UNC79: variants seen among roughly 807,000 people sequenced by gnomAD.
The protein encoded by UNC79 is unc-79 subunit of NALCN channel complex, also known as protein unc-79 homolog.
A neutral mutation model predicts 283.1 loss-of-function variants in UNC79; 37 were observed. That is an observed-to-expected ratio of 0.13 (90% CI 0.10 to 0.17). The LOEUF (loss-of-function observed/expected upper bound fraction) is 0.17. Ranked by LOEUF, UNC79 falls within the 10% of genes least tolerant of loss-of-function variation. The pLI is 1.00. For synonymous variants in UNC79, 1,107 were observed against 1,200.2 expected (o/e 0.92, Z 1.61); for missense variants, 2,272 against 3,211.1 (o/e 0.71, Z 7.07).
chr14:93,680,718 T>C (rs1289309199), intron 41 of UNC79, among the ~76,000 whole-genome samples: 2 of 152,142 alleles, frequency 1.3e-5, no homozygotes, highest in Non-Finnish European at 2.9e-5. Context: ...CTCAGCCTCC[T>C]GAGTAGCTGG....
rs963242752 is a variant in UNC79, at chr14:93,691,764, A to T, written c.7288A>T (p.Met2430Leu). The stretch of plus-strand genomic sequence containing the variant: ...TCCTTTTCAGACCTCCGTGCTGCAC[A>T]TGTGCTCCCTCTTCCACGCGTTCAT... Residue 2430 changes from methionine (M) to leucine (L), a missense_variant, in exon 46 of 49, where the codon ATG becomes TTG. By Grantham distance (15) the Met-to-Leu change is conservative. This residue lies in a region of UNC79 where 225 missense variants were observed against 334.2 expected (regional missense o/e 0.67). Coordinates refer to ENST00000555664, the Ensembl canonical transcript of UNC79. 30 of 1,614,022 alleles carry T rather than the reference A, an allele frequency of 1.9e-5. No homozygotes were observed. The highest frequency in any genetic ancestry group is 2.5e-5 in the Non-Finnish European group (29 of 1,180,050).
intron 48 of UNC79, among the ~76,000 whole-genome samples, chr14:93,705,855 C>A (rs768043221): frequency 1.3e-5 from 2 of 152,134 alleles, no homozygotes; most frequent in African/African-American, 2.4e-5. Context: ...GGAAGGAAAG[C>A]GGTATGAACT....
chr14:93,645,077 C>A (rs1163120107), intron 34 of UNC79, among the ~76,000 whole-genome samples: 5 of 152,094 alleles, frequency 3.3e-5, no homozygotes, highest in Non-Finnish European at 5.9e-5. Context: ...TTTATTAATA[C>A]CAGGTCACAA....
chr14:93,400,970 G>A (rs916463333), intron 1 of UNC79, among the ~76,000 whole-genome samples: 5 of 152,172 alleles, frequency 3.3e-5, no homozygotes, highest in Non-Finnish European at 7.3e-5. Context: ...CTGGATAACA[G>A]TGATAGTGAG....
intron 1 of UNC79, among the ~76,000 whole-genome samples, chr14:93,363,523 T>C (rs1343485594): frequency 6.6e-6 from 1 of 152,168 alleles, no homozygotes; most frequent in Non-Finnish European, 1.5e-5. Context: ...TCTTTGTTAG[T>C]TTTCTGCTTT....
intron 1 of UNC79, among the ~76,000 whole-genome samples, chr14:93,333,913 G>C (rs2053515359): frequency 1.3e-5 from 2 of 152,178 alleles, no homozygotes; most frequent in Non-Finnish European, 2.9e-5. Flanking sequence ...GCCAAGATCA[G>C]AACCCAGGCA....
At chr14:93,505,640 G>A (rs2059497198) in intron 7 of UNC79, among the ~76,000 whole-genome samples, 1 of 151,486 alleles carries the variant, frequency 6.6e-6, no homozygotes, top group Non-Finnish European at 1.5e-5. Flanking sequence ...CCATATATAT[G>A]TAATGTAGTT....
intron 24 of UNC79, among the ~76,000 whole-genome samples, chr14:93,600,061 G>A (rs1483806457): frequency 1.1e-4 from 17 of 152,018 alleles, no homozygotes; most frequent in Non-Finnish European, 1.8e-4. Flanking sequence ...TTAGCCGGGC[G>A]TGGTGGCGGG....
chr14:93,471,367 T>G (rs1242760), intron 2 of UNC79, among the ~76,000 whole-genome samples: 46,199 of 152,032 alleles, frequency 0.3, 7,408 homozygotes, highest in East Asian at 0.65. Context: ...AACAGAGGTC[T>G]TCCTCTCTTG....
intron 34 of UNC79, 144 bp from the exon 38 acceptor site, chr14:93,646,464 C>A: frequency 1.5e-6 from 1 of 688,810 alleles, no homozygotes; most frequent in Non-Finnish European, 2.4e-6. Context: ...ACTGAGTGGG[C>A]CCTCTGTACT....
At chr14:93,560,510 A>C (rs2141421139) in intron 14 of UNC79, among the ~76,000 whole-genome samples, 2 of 152,224 alleles carry the variant, frequency 1.3e-5, no homozygotes, top group East Asian at 3.9e-4. Flanking sequence ...GTCGTGATAG[A>C]GGTTGAAATG....
chr14:93,691,886 A>C, exon 46 of UNC79: 2 of 1,614,208 alleles, frequency 1.2e-6, no homozygotes, highest in Non-Finnish European at 8.5e-7. Context: ...TACTGACAGC[A>C]CTAGAATTTT....
rs1854408932 is a variant in UNC79 at position 93,474,494 on chromosome 14, A to G, written c.448+101A>G. The G allele has an allele frequency of 1.5e-6, 2 of 1,332,136 alleles. No individual in the cohort carries two copies. Among genetic ancestry groups the G allele is most frequent in the Admixed American group, 5.0e-5 (2 of 39,824 alleles). 82.5% of individuals were successfully genotyped at this position (1,332,136 alleles called of 1,614,324 possible). On this transcript the variant is annotated intron_variant, in intron 3 of 48. Transcript: ENST00000555664. The surrounding 1 kb of genome is among the most constrained non-coding windows in gnomAD (Gnocchi z 4.1). ...GAGATGGTCACTGTTGTAATCAATC[A>G]CCTGAAAGGGCTTTGTGTGGCTAGA...
At chr14:93,685,246 A>G (rs1436782698) in intron 42 of UNC79, among the ~76,000 whole-genome samples, 1 of 152,226 alleles carries the variant, frequency 6.6e-6, no homozygotes, top group Non-Finnish European at 1.5e-5. Flanking sequence ...AAATGCTATA[A>G]AATATTGCCT....
intron 5 of UNC79, among the ~76,000 whole-genome samples, chr14:93,492,958 A>G (rs1418912985): frequency 2.0e-5 from 3 of 152,196 alleles, no homozygotes; most frequent in African/African-American, 7.2e-5. Context: ...GACTGACCCC[A>G]TCCTCATCTC....
intron 22 of UNC79, among the ~76,000 whole-genome samples, chr14:93,588,764 A>T (rs1308834858): frequency 6.6e-6 from 1 of 151,290 alleles, no homozygotes; most frequent in Admixed American, 6.6e-5. Flanking sequence ...AAAAAAAAAA[A>T]AAGAGAGAGA....
exon 12 of UNC79, chr14:93,538,120 C>T (rs751664681): frequency 1.9e-6 from 3 of 1,614,090 alleles, no homozygotes; most frequent in South Asian, 1.1e-5. Context: ...AAGTGGGGGC[C>T]GCTGCGGAGA....
rs761483258 is a variant in UNC79, at chr14:93,646,665, C to G, written c.6083+19C>G. On this transcript the variant is annotated intron_variant, in intron 35 of 48. Coordinates refer to ENST00000555664, the Ensembl canonical transcript of UNC79. ...CAGAAAGGTAAGGTCCTAACGGGAGCCCAGATCTCACTTTCTTTTCTCCTC... is the reference window on the plus strand; with the variant it reads ...CAGAAAGGTAAGGTCCTAACGGGAGGCCAGATCTCACTTTCTTTTCTCCTC... The G allele has an allele frequency of 6.2e-7, 1 of 1,613,116 alleles. No homozygotes were observed. Among genetic ancestry groups the G allele is most frequent in the South Asian group, 1.1e-5 (1 of 91,010 alleles).
chr14:93,482,833 A>T (rs906913078), intron 4 of UNC79, among the ~76,000 whole-genome samples: 4 of 152,106 alleles, frequency 2.6e-5, no homozygotes, highest in Non-Finnish European at 5.9e-5. Flanking sequence ...CTATCCTCCA[A>T]ACATGTAAAT....
Sources: gnomAD v4.1 joint callset for allele counts (sites outside exome capture counted in the v4.1 genomes callset) on GRCh38, gnomAD v4.1.1 for gene constraint, gnomAD v4.1.1 regional missense constraint, Gnocchi (gnomAD v3.1) non-coding constraint, MANE v1.5 for transcripts, NCBI Gene and HGNC (gene_info 2026-07-23, HGNC 2026-07-21) for gene names.